Variants in MECOM observed in about 807,000 individuals in gnomAD.
The protein encoded by MECOM is histone-lysine N-methyltransferase MECOM.
MECOM carries 13 observed loss-of-function variants against 116.3 expected under a neutral mutation model. The observed-to-expected ratio is 0.11, with a 90% CI of 0.07 to 0.18. MECOM has a LOEUF of 0.18. Ranked by LOEUF, MECOM falls within the 10% of genes least tolerant of loss-of-function variation. The probability of loss-of-function intolerance (pLI) is 1.00; values close to 1 mark genes in which losing one functional copy is unlikely to be tolerated. For missense variants in MECOM, 1,299 were observed against 1,509.0 expected (o/e 0.86, Z 2.31); for synonymous variants, 528 against 535.2 (o/e 0.99, Z 0.19).
chr3:169,128,712 A>G (rs1733702025), intron 4 of MECOM, among the ~76,000 whole-genome samples: 1 of 152,210 alleles, frequency 6.6e-6, no homozygotes, highest in African/African-American at 2.4e-5. Flanking sequence ...AGGCTAATTT[A>G]TGTTACCCCA....
At chr3:169,504,134 A>AAAAAG (rs1560365801) in intron 1 of MECOM, among the ~76,000 whole-genome samples, 2 of 144,018 alleles carry the variant, frequency 1.4e-5, no homozygotes, top group Non-Finnish European at 1.5e-5. Context: ...GCTCTCAAAA[A>AAAAAG]AAAAAGAAAA....
At chr3:169,382,790 A>G (rs935695529) in intron 1 of MECOM, among the ~76,000 whole-genome samples, 5 of 147,912 alleles carry the variant, frequency 3.4e-5, no homozygotes, top group Non-Finnish European at 4.5e-5. Flanking sequence ...GAAGGCTACA[A>G]TGAGCTATGA....
chr3:169,338,819 A>AT (rs533291161), intron 2 of MECOM, among the ~76,000 whole-genome samples: 139 of 152,020 alleles, frequency 9.1e-4, no homozygotes, highest in Middle Eastern at 3.4e-3. Flanking sequence ...AGATTATGTT[A>AT]TTTTTTGTCT....
At chr3:169,334,887 T>C (rs1413382263) in intron 2 of MECOM, among the ~76,000 whole-genome samples, 2 of 152,130 alleles carry the variant, frequency 1.3e-5, no homozygotes, top group South Asian at 2.1e-4. Flanking sequence ...GGGTCTATCT[T>C]TGGAATTTAA....
At chr3:169,373,637 T>A (rs749261894) in intron 2 of MECOM, among the ~76,000 whole-genome samples, 5 of 152,014 alleles carry the variant, frequency 3.3e-5, no homozygotes, top group Admixed American at 6.6e-5. Flanking sequence ...AAGCATGCAA[T>A]GCATAATAAT....
At chr3:169,351,903 C>T (rs986244070) in intron 2 of MECOM, among the ~76,000 whole-genome samples, 2 of 151,814 alleles carry the variant, frequency 1.3e-5, no homozygotes, top group Non-Finnish European at 2.9e-5. Flanking sequence ...CTCTTTAGTC[C>T]AAATTCACCT....
At chr3:169,533,427 T>C (rs1310379480) in intron 1 of MECOM, among the ~76,000 whole-genome samples, 1 of 152,170 alleles carries the variant, frequency 6.6e-6, no homozygotes, top group African/African-American at 2.4e-5. Flanking sequence ...CACCTGGTTC[T>C]TATTTTCCCA....
chr3:169,132,687 G>T (rs1735120134), intron 3 of MECOM, among the ~76,000 whole-genome samples: 1 of 151,546 alleles, frequency 6.6e-6, no homozygotes, highest in African/African-American at 2.4e-5. Context: ...CTTTAACAGT[G>T]CCAATAAGTC....
rs1012686091 is a variant in MECOM at position 169,276,963 on chromosome 3, T to C, written c.375+104224A>G. ...AACATATTTAATGAAAAACACAAAC[T>C]GCAAAAAGACATACAACATGAGCTA... is the stretch of plus-strand genomic sequence containing the variant. On this transcript the variant is annotated intron_variant, in intron 2 of 16. Coordinates refer to ENST00000651503, the MANE Select transcript of MECOM (RefSeq NM_004991.4). Among the ~76,000 whole-genome samples the C allele has an allele frequency of 3.3e-5, 5 of 150,506 alleles. 1 individual carries two copies. Among genetic ancestry groups the C allele is most frequent in the Admixed American group, 1.3e-4 (2 of 15,086 alleles).
At chr3:169,412,437 G>C (rs944244628) in intron 1 of MECOM, among the ~76,000 whole-genome samples, 9 of 151,936 alleles carry the variant, frequency 5.9e-5, no homozygotes, top group African/African-American at 1.9e-4. Context: ...GATGTTCCCT[G>C]CGTTTCTCAT....
intron 1 of MECOM, among the ~76,000 whole-genome samples, chr3:169,402,395 C>A (rs1399933783): frequency 6.6e-6 from 1 of 152,176 alleles, no homozygotes; most frequent in Non-Finnish European, 1.5e-5. Context: ...GCTGCAGAAC[C>A]AACAGGCTTT....
chr3:169,464,095 A>G (rs899754117), intron 1 of MECOM: 1 of 152,184 alleles, frequency 6.6e-6, no homozygotes, highest in Non-Finnish European at 1.5e-5. Context: ...GCAACAGCAC[A>G]ACGGATGTCA....
intron 1 of MECOM, among the ~76,000 whole-genome samples, chr3:169,596,658 A>G (rs576754666): frequency 9.8e-5 from 15 of 152,336 alleles, no homozygotes; most frequent in Non-Finnish European, 1.9e-4. Flanking sequence ...ACAGCACAGT[A>G]ACAATTAAAA....
intron 1 of MECOM, among the ~76,000 whole-genome samples, chr3:169,383,072 G>A (rs2108290487): frequency 6.6e-6 from 1 of 152,090 alleles, no homozygotes; most frequent in Non-Finnish European, 1.5e-5. Flanking sequence ...TGGGCTAGAA[G>A]ATAGAAGACC....
chr3:169,119,167 AATAAGAGACAGTTGCC>A (rs1730177582), intron 7 of MECOM, among the ~76,000 whole-genome samples: 1 of 152,222 alleles, frequency 6.6e-6, no homozygotes, highest in African/African-American at 2.4e-5. Context: ...AGCACACTGT[AATAAGAGACAGTTGCC>A]ATAAACACAC....
At chr3:169,507,338 A>G (rs1389835129) in intron 1 of MECOM, among the ~76,000 whole-genome samples, 1 of 152,168 alleles carries the variant, frequency 6.6e-6, no homozygotes, top group Non-Finnish European at 1.5e-5. Flanking sequence ...TGTTAGCTTA[A>G]TTTGCTAGTC....
intron 2 of MECOM, among the ~76,000 whole-genome samples, chr3:169,219,478 G>T (rs943157533): frequency 6.6e-6 from 1 of 152,232 alleles, no homozygotes; most frequent in Admixed American, 6.5e-5. Flanking sequence ...CTGCACTCCA[G>T]CCTGGGCGAC....
At chr3:169,149,073 C>T (rs1341192429) in intron 2 of MECOM, among the ~76,000 whole-genome samples, 2 of 137,044 alleles carry the variant, frequency 1.5e-5, no homozygotes, top group South Asian at 4.6e-4. Flanking sequence ...ATTGTCGGAG[C>T]TTTCTTTTTT....
intron 1 of MECOM, among the ~76,000 whole-genome samples, chr3:169,546,420 T>C (rs867129855): frequency 1.4e-4 from 22 of 152,270 alleles, no homozygotes; most frequent in Admixed American, 5.9e-4. Flanking sequence ...ATATTATTGG[T>C]AGAAAAAGAG....
Sources: allele counts gnomAD v4.1 joint callset (sites outside exome capture counted in the v4.1 genomes callset), GRCh38; gene constraint gnomAD v4.1.1; transcripts MANE v1.5; gene names NCBI Gene and HGNC (gene_info 2026-07-23, HGNC 2026-07-21).